Variants in SORCS2 observed in about 807,000 individuals in gnomAD.
The protein encoded by SORCS2 is sortilin related VPS10 domain containing receptor 2.
Under a neutral mutation model 141.6 loss-of-function variants are expected in SORCS2, and 100 were observed. The observed-to-expected ratio is 0.71, with a 90% CI of 0.60 to 0.83. The LOEUF is 0.83. SORCS2 is among the 40% of genes least tolerant of loss of function. The probability of loss-of-function intolerance (pLI) is 0.00; values close to 1 mark genes in which losing one functional copy is unlikely to be tolerated. For synonymous variants in SORCS2, 789 were observed against 676.9 expected, an observed-to-expected ratio of 1.17 and a Z score of -2.57; for missense variants, 1,646 against 1,560.2, an observed-to-expected ratio of 1.05 and a Z score of -0.93.
chr4:7,695,251 G>A (rs1435252812), intron 11 of SORCS2, among the ~76,000 whole-genome samples: 4 of 140,200 alleles, frequency 2.9e-5, no homozygotes, highest in Non-Finnish European at 6.1e-5. Context: ...TGGATGGGTG[G>A]ATGGTTAGAT....
At chr4:7,454,497 G>A (rs1252382983) in intron 2 of SORCS2, among the ~76,000 whole-genome samples, 1 of 126,174 alleles carries the variant, frequency 7.9e-6, no homozygotes, top group South Asian at 3.1e-4. Flanking sequence ...GGGGTCAGGT[G>A]CTGTGTGTTG....
intron 2 of SORCS2, among the ~76,000 whole-genome samples, chr4:7,455,823 G>T (rs1045657743): frequency 6.6e-6 from 1 of 152,158 alleles, no homozygotes; most frequent in Non-Finnish European, 1.5e-5. Flanking sequence ...GCTCTGTGTT[G>T]GGGTCATGCT....
intron 5 of SORCS2, among the ~76,000 whole-genome samples, chr4:7,655,370 G>A (rs1721698253): frequency 6.6e-6 from 1 of 152,196 alleles, no homozygotes; most frequent in Admixed American, 6.5e-5. Flanking sequence ...GCTGGAAGGG[G>A]AGCCCGGGCT....
intron 1 of SORCS2, among the ~76,000 whole-genome samples, chr4:7,358,425 G>T (rs1560216367): frequency 6.6e-6 from 1 of 152,234 alleles, no homozygotes; most frequent in Non-Finnish European, 1.5e-5. Flanking sequence ...TGGCATTCTT[G>T]TTATGATGAT....
chr4:7,723,988 G>A, intron 19 of SORCS2, 105 bp downstream of exon 19: 2 of 1,343,366 alleles, frequency 1.5e-6, no homozygotes, highest in Non-Finnish European at 2.0e-6. Context: ...TAGGCCCCTG[G>A]TACTCAGGAC....
intron 2 of SORCS2, among the ~76,000 whole-genome samples, chr4:7,526,798 C>T (rs1017872282): frequency 4.6e-5 from 7 of 152,160 alleles, no homozygotes; most frequent in African/African-American, 1.4e-4. Flanking sequence ...TGCTGTGAAC[C>T]TAAAACTGCT....
intron 11 of SORCS2, among the ~76,000 whole-genome samples, chr4:7,696,582 C>T (rs116622744): frequency 4.6e-5 from 7 of 152,160 alleles, no homozygotes; most frequent in Non-Finnish European, 8.8e-5. Flanking sequence ...TGAGCCCCTC[C>T]GAGTAGGCAT....
chr4:7,671,043 T>C (rs1265590452), intron 8 of SORCS2, among the ~76,000 whole-genome samples: 1 of 152,074 alleles, frequency 6.6e-6, no homozygotes, highest in Non-Finnish European at 1.5e-5. Flanking sequence ...AAAGCAACTG[T>C]ATATATGGGA....
chr4:7,392,008 CAGCACAAAGTGAAAACACAA>C (rs1560246296), intron 1 of SORCS2, among the ~76,000 whole-genome samples: 27 of 152,328 alleles, frequency 1.8e-4, no homozygotes, highest in South Asian at 4.1e-4. Context: ...TTACAGGGTT[CAGCACAAAGTGAAAACACAA>C]AGCCCTCGTT....
chr4:7,461,179 A>G (rs901053351), intron 2 of SORCS2, among the ~76,000 whole-genome samples: 3 of 151,958 alleles, frequency 2.0e-5, no homozygotes, highest in African/African-American at 4.8e-5. Flanking sequence ...TAAATTATTC[A>G]TCATTTCCTG....
intron 1 of SORCS2, among the ~76,000 whole-genome samples, chr4:7,248,336 T>TG (rs5855952): frequency 0.72 from 109,853 of 151,956 alleles, 40,316 homozygotes; most frequent in East Asian, 0.79. Context: ...CAGGTCACCG[T>TG]GGGGGGGCCC....
chr4:7,640,847 G>C (rs1202457769), intron 4 of SORCS2, among the ~76,000 whole-genome samples: 1 of 152,128 alleles, frequency 6.6e-6, no homozygotes, highest in Non-Finnish European at 1.5e-5. Context: ...GTCAGGGAAC[G>C]AGAGGAATAG....
chr4:7,631,552 C>T (rs1719896785), intron 3 of SORCS2, among the ~76,000 whole-genome samples: 1 of 152,176 alleles, frequency 6.6e-6, no homozygotes, highest in East Asian at 1.9e-4. Context: ...CACTTTGGCC[C>T]AGCCTGGGTG....
intron 2 of SORCS2, among the ~76,000 whole-genome samples, chr4:7,439,869 G>A (rs1038836730): frequency 1.3e-5 from 2 of 152,140 alleles, no homozygotes; most frequent in Non-Finnish European, 2.9e-5. Flanking sequence ...ACGTCAGATG[G>A]TGTGCAGAAT....
At chr4:7,311,874 T>A (rs529976431) in intron 1 of SORCS2, among the ~76,000 whole-genome samples, 28 of 152,298 alleles carry the variant, frequency 1.8e-4, no homozygotes, top group South Asian at 8.3e-4. Flanking sequence ...AGTTTATTTT[T>A]ATTTTTATTA....
At chr4:7,412,660 G>GT (rs1725395038) in intron 2 of SORCS2, among the ~76,000 whole-genome samples, 2 of 152,200 alleles carry the variant, frequency 1.3e-5, no homozygotes, top group Admixed American at 1.3e-4. Context: ...TCCCTCCAGA[G>GT]TTCTCCCATC....
intron 3 of SORCS2, among the ~76,000 whole-genome samples, chr4:7,602,352 T>C (rs1374817824): frequency 6.6e-6 from 1 of 151,540 alleles, no homozygotes; most frequent in Admixed American, 6.6e-5. Flanking sequence ...GCTCCTCACT[T>C]CCCAGACGGG....
intron 3 of SORCS2, among the ~76,000 whole-genome samples, chr4:7,534,057 G>C (rs1711897318): frequency 6.6e-6 from 1 of 152,218 alleles, no homozygotes; most frequent in South Asian, 2.1e-4. Flanking sequence ...GGATTTCAGA[G>C]CCAGGAGTTT....
At chr4:7,335,280 A>G (rs1719912854) in intron 1 of SORCS2, among the ~76,000 whole-genome samples, 1 of 152,214 alleles carries the variant, frequency 6.6e-6, no homozygotes, top group Non-Finnish European at 1.5e-5. Context: ...GTCTTTGTAC[A>G]AGTCTCCCCT....
Sources: allele counts gnomAD v4.1 joint callset (sites outside exome capture counted in the v4.1 genomes callset), GRCh38; gene constraint gnomAD v4.1.1; transcripts MANE v1.5; gene names NCBI Gene and HGNC (gene_info 2026-07-23, HGNC 2026-07-21).